TENM3: variants seen among roughly 807,000 people sequenced by gnomAD.
The protein encoded by TENM3 is teneurin-3.
TENM3 carries 63 observed loss-of-function variants against 255.1 expected under a neutral mutation model. The observed-to-expected ratio is 0.25, with a 90% CI of 0.20 to 0.30. The LOEUF is 0.30. Ranked by LOEUF, TENM3 falls within the 10% of genes least tolerant of loss-of-function variation. The pLI is 1.00. For missense variants in TENM3, 2,929 were observed against 3,461.1 expected, an observed-to-expected ratio of 0.85 and a Z score of 3.86; for synonymous variants, 1,306 against 1,322.3, an observed-to-expected ratio of 0.99 and a Z score of 0.27.
At chr4:182,102,315 A>T in the TENM3 span, among the ~76,000 whole-genome samples, 1 of 152,152 alleles carries the variant, frequency 6.6e-6, no homozygotes, top group African/African-American at 2.4e-5. Flanking sequence ...TGGTAATCAG[A>T]CTACTTGGTG....
intron 3 of TENM3, among the ~76,000 whole-genome samples, chr4:182,531,632 A>C (rs1739789049): frequency 1.3e-5 from 2 of 152,196 alleles, no homozygotes; most frequent in Admixed American, 1.3e-4. Flanking sequence ...GCAGGAAACC[A>C]GGCACAAGCT....
chr4:181,549,153 A>T, the TENM3 span, among the ~76,000 whole-genome samples: 1 of 152,032 alleles, frequency 6.6e-6, no homozygotes, highest in Non-Finnish European at 1.5e-5. Context: ...CCCTTACCCT[A>T]TACTCCCACC....
the TENM3 span, among the ~76,000 whole-genome samples, chr4:181,680,229 CTCTT>C: frequency 2.0e-5 from 3 of 152,092 alleles, no homozygotes; most frequent in Admixed American, 2.0e-4. Flanking sequence ...TGCTTTAATA[CTCTT>C]TCTTTCTCTC....
At chr4:181,891,672 C>T in the TENM3 span, among the ~76,000 whole-genome samples, 1 of 152,174 alleles carries the variant, frequency 6.6e-6, no homozygotes, top group Admixed American at 6.5e-5. Context: ...ATTAAACCTG[C>T]AGTTTCAGCC....
the TENM3 span, among the ~76,000 whole-genome samples, chr4:181,516,035 G>T: frequency 6.6e-6 from 1 of 152,154 alleles, no homozygotes; most frequent in African/African-American, 2.4e-5. Context: ...ACAATATCAT[G>T]TCCTTTGCAG....
the TENM3 span, among the ~76,000 whole-genome samples, chr4:182,039,277 G>A: frequency 4.6e-5 from 7 of 152,208 alleles, no homozygotes; most frequent in South Asian, 1.0e-3. Flanking sequence ...CTGTGGGCAC[G>A]GATTGCCACA....
At chr4:181,648,890 G>C in the TENM3 span, among the ~76,000 whole-genome samples, 27 of 152,188 alleles carry the variant, frequency 1.8e-4, no homozygotes, top group African/African-American at 6.0e-4. Context: ...ACATGGACAA[G>C]CTGAGAGGCC....
At chr4:181,587,812 T>G in the TENM3 span, among the ~76,000 whole-genome samples, 1 of 152,214 alleles carries the variant, frequency 6.6e-6, no homozygotes, top group Non-Finnish European at 1.5e-5. Context: ...CTAAATAGCA[T>G]TCATTCTTCT....
At chr4:182,241,722 T>A (rs1013485820), upstream of TENM3, among the ~76,000 whole-genome samples, 11 of 151,992 alleles carry the variant, frequency 7.2e-5, no homozygotes, top group African/African-American at 2.7e-4. Context: ...TTGGTCAGGC[T>A]GGTCTTGAAC....
chr4:181,477,096 AT>A, the TENM3 span, among the ~76,000 whole-genome samples: 1 of 152,144 alleles, frequency 6.6e-6, no homozygotes, highest in African/African-American at 2.4e-5. Flanking sequence ...TCATTCATTC[AT>A]TCATTCATCT....
intron 3 of TENM3, among the ~76,000 whole-genome samples, chr4:182,553,794 T>TA (rs1742316137): frequency 1.3e-5 from 2 of 152,312 alleles, no homozygotes; most frequent in Middle Eastern, 3.4e-3. Flanking sequence ...AATGGAGAGT[T>TA]AGAGTCCATC....
the TENM3 span, among the ~76,000 whole-genome samples, chr4:181,517,104 C>T: frequency 7.3e-5 from 11 of 149,864 alleles, no homozygotes; most frequent in African/African-American, 2.5e-4. Flanking sequence ...CAAAGAGTGA[C>T]AATTATATCC....
intron 3 of TENM3, among the ~76,000 whole-genome samples, chr4:182,349,277 GA>G (rs145537952): frequency 1.1e-4 from 17 of 152,220 alleles, no homozygotes; most frequent in Non-Finnish European, 2.1e-4. Context: ...GCAGTTTAAA[GA>G]AAGAAACAAA....
At chr4:182,620,954 T>C (rs1750067482) in intron 4 of TENM3, among the ~76,000 whole-genome samples, 1 of 151,670 alleles carries the variant, frequency 6.6e-6, no homozygotes, top group African/African-American at 2.4e-5. Context: ...CCAAGGCGGG[T>C]GGATCCCCTG....
chr4:181,765,167 A>G, the TENM3 span, among the ~76,000 whole-genome samples: 2 of 152,100 alleles, frequency 1.3e-5, no homozygotes, highest in South Asian at 4.1e-4. Context: ...TTCCCAACAA[A>G]TTTCTATTTT....
chr4:181,472,184 TATG>T, the TENM3 span, among the ~76,000 whole-genome samples: 13 of 152,128 alleles, frequency 8.5e-5, no homozygotes, highest in African/African-American at 3.1e-4. Context: ...TGTCCAAAAA[TATG>T]ATATGTGTGA....
At position 182,323,969 on chromosome 4, in the gene TENM3, T is replaced by C; in HGVS notation, c.-52T>C. The C allele has an allele frequency of 6.6e-7, 1 of 1,521,152 alleles. No homozygotes were observed. Among genetic ancestry groups the C allele is most frequent in the Non-Finnish European group, 9.0e-7 (1 of 1,109,910 alleles). The allele number at this position is 1,521,152 out of a possible 1,614,324, so 94.2% of individuals were successfully genotyped here. ...AGAGAGGCCAATGAGACTTGAACCCTGAGCCTAAGTTGTCACCAGCAGGAC... is the reference window on the plus strand; with the variant it reads ...AGAGAGGCCAATGAGACTTGAACCCCGAGCCTAAGTTGTCACCAGCAGGAC... On this transcript the variant is annotated 5_prime_UTR_variant, in exon 2 of 28. An upstream open reading frame in the 5' UTR loses its in-frame stop. Coordinates refer to ENST00000511685, the MANE Select transcript of TENM3 (RefSeq NM_001080477.4).
the TENM3 span, among the ~76,000 whole-genome samples, chr4:181,709,401 A>G: frequency 1.3e-5 from 2 of 152,368 alleles, no homozygotes; most frequent in Non-Finnish European, 2.9e-5. Context: ...AGTGAATGCC[A>G]TGAAGAAAAG....
At chr4:181,770,673 TC>T in the TENM3 span, among the ~76,000 whole-genome samples, 1,114 of 39,796 alleles carry the variant, frequency 0.028, 8 homozygotes, top group African/African-American at 0.095. Flanking sequence ...AGACTCTGTC[TC>T]AAAAAAAAAA....
Sources: allele counts gnomAD v4.1 joint callset (sites outside exome capture counted in the v4.1 genomes callset), GRCh38; gene constraint gnomAD v4.1.1; transcripts MANE v1.5; gene names NCBI Gene and HGNC (gene_info 2026-07-23, HGNC 2026-07-21).